The following ZNF480 variants were observed in gnomAD, a reference collection of about 807,000 sequenced individuals.
ZNF480 encodes the protein zinc finger protein 480.
ZNF480 carries 15 observed loss-of-function variants against 14.4 expected under a neutral mutation model. The observed-to-expected ratio is 1.04, with a 90% CI of 0.70 to 1.60. The LOEUF is 1.60. Among genes scored for constraint, ZNF480 ranks in the 40% most tolerant of loss-of-function variants. ZNF480 has a pLI of 0.00. For missense variants in ZNF480, 593 were observed against 629.7 expected, an observed-to-expected ratio of 0.94 and a Z score of 0.62; for synonymous variants, 218 against 215.5, an observed-to-expected ratio of 1.01 and a Z score of -0.10.
rs1845267656 is a variant in ZNF480, at chr19:52,324,866, G to A, written c.*2008G>A. On this transcript the variant is annotated 3_prime_UTR_variant, in exon 5 of 5. Coordinates refer to ENST00000595962, the MANE Select transcript of ZNF480 (RefSeq NM_144684.4). ...CCAGGAAATGCCATTCTGGACATAA[G>A]TGCTGGAAAAGACTTAATGATGAAC... is the stretch of plus-strand genomic sequence containing the variant. 1 of 152,148 alleles carries A rather than the reference G, an allele frequency of 6.6e-6. No individual in the cohort carries two copies. Among genetic ancestry groups the A allele is most frequent in the African/African-American group, 2.4e-5 (1 of 41,438 alleles). The allele number at this position is 152,148 out of a possible 1,614,324, so 9.4% of individuals were successfully genotyped here. A position where few individuals can be genotyped will look rare whatever the true frequency, so the allele number is the denominator to read the frequency against.
intron 2 of ZNF480, chr19:52,301,761 C>A (rs190764068): frequency 6.6e-6 from 1 of 152,072 alleles, no homozygotes; most frequent in African/African-American, 2.4e-5. Context: ...CAATGAAACA[C>A]CGAGAGTACC....
chr19:52,297,407 GGTCCTGTCCCCC>G (rs1982453681), intron 1 of ZNF480, among the ~76,000 whole-genome samples, 184 bp downstream of exon 1: 1 of 151,654 alleles, frequency 6.6e-6, no homozygotes, highest in Non-Finnish European at 1.5e-5. Context: ...CTCGGCGGCG[GGTCCTGTCCCCC>G]GTCCTTCTGC....
chr19:52,304,261 A>G (rs193002820), intron 2 of ZNF480, among the ~76,000 whole-genome samples: 1 of 152,332 alleles, frequency 6.6e-6, no homozygotes, highest in East Asian at 1.9e-4. Context: ...CAGTCTTTTA[A>G]ATCTATGACT....
chr19:52,309,818 G>T (rs2122533790), intron 2 of ZNF480, among the ~76,000 whole-genome samples: 1 of 152,238 alleles, frequency 6.6e-6, no homozygotes, highest in East Asian at 1.9e-4. Context: ...TGTCCACATG[G>T]ATTCAAAATG....
rs1983904022 is a variant in ZNF480, at chr19:52,322,740, A to C, written c.1490A>C (p.His497Pro). The C allele has an allele frequency of 3.1e-6, 5 of 1,613,178 alleles. No homozygotes were observed. The highest frequency in any genetic ancestry group is 4.2e-6 in the Non-Finnish European group (5 of 1,179,608). ...ECGKVFNRIA[H>P]LARHRKIHTG... Reference sequence around the variant, plus strand: ...GGCAAGGTCTTCAATCGAATTGCACACCTTGCACGACATCGGAAAATTCAT... The same window carrying C: ...GGCAAGGTCTTCAATCGAATTGCACCCCTTGCACGACATCGGAAAATTCAT... Residue 497 changes from histidine (H) to proline (P), a missense_variant, in exon 5 of 5, where the codon CAC becomes CCC. His to Pro is a moderately conservative substitution (Grantham distance 77). Coordinates refer to ENST00000595962, the MANE Select transcript of ZNF480 (RefSeq NM_144684.4).
intron 2 of ZNF480, chr19:52,301,965 G>C (rs1401809435): frequency 6.1e-6 from 1 of 164,162 alleles, no homozygotes; most frequent in African/African-American, 2.4e-5. Context: ...GGGAGATCAA[G>C]TTTTAAATCA....
chr19:52,304,564 T>C lies in ZNF480; in HGVS notation c.72+4080T>C, dbSNP rs180714092. ...TTAACCATTTTAAAGGTATAGGTTC[T>C]GGAGGCTTAACAATGGCTGCCATGA... is the stretch of plus-strand genomic sequence containing the variant. On this transcript the variant is annotated intron_variant, in intron 2 of 4. Transcript: ENST00000595962. 1.1e-4 allele frequency among the ~76,000 whole-genome samples: 17 copies of C among 152,276 alleles called. No homozygotes were observed. In the East Asian group the frequency reaches 3.3e-3, roughly 29 times the overall value.
At chr19:52,311,954 T>C (rs150021097) in intron 2 of ZNF480, among the ~76,000 whole-genome samples, 187 of 152,308 alleles carry the variant, frequency 1.2e-3, no homozygotes, top group African/African-American at 4.3e-3. Context: ...TGGACCGTGA[T>C]GCGTGTTCAT....
At position 52,322,153 on chromosome 19, in the gene ZNF480, C is replaced by T. The variant is rs1983858675; in HGVS notation, c.903C>T (p.Tyr301=). The part of the protein sequence containing the change: ...ECGKVFSNNS[Y]LARHQRIHAE... ...GTAAAGTCTTCAGTAATAATTCTTA[C>T]CTTGCACGACATCAAAGAATTCATG... The change falls in exon 5 of 5, where the codon TAC becomes TAT. Residue 301 remains tyrosine, a synonymous_variant. Coordinates refer to ENST00000595962, the MANE Select transcript of ZNF480 (RefSeq NM_144684.4). 1 of 1,613,910 alleles carries T rather than the reference C, an allele frequency of 6.2e-7. No homozygotes were observed. Among genetic ancestry groups the T allele is most frequent in the Non-Finnish European group, 8.5e-7 (1 of 1,179,984 alleles).
intron 2 of ZNF480, among the ~76,000 whole-genome samples, chr19:52,302,735 T>C (rs763062933): frequency 2.6e-5 from 4 of 152,224 alleles, no homozygotes; most frequent in Non-Finnish European, 5.9e-5. Flanking sequence ...TAACTCCTCC[T>C]GTAAAAGATG....
Position 52,324,880 on chromosome 19 carries a change from T to A in ZNF480, c.*2022T>A, listed in dbSNP as rs950912803. 1.3e-5 allele frequency: 2 copies of A among 152,200 alleles called. No homozygotes were observed. The highest frequency in any genetic ancestry group is 4.8e-5 in the African/African-American group (2 of 41,456). 9.4% of individuals were successfully genotyped at this position (152,200 alleles called of 1,614,324 possible). A position where few individuals can be genotyped will look rare whatever the true frequency, so the allele number is the denominator to read the frequency against. ...TCTGGACATAAGTGCTGGAAAAGAC[T>A]TAATGATGAACACCCCAAAGCAATT... On this transcript the variant is annotated 3_prime_UTR_variant, in exon 5 of 5. Transcript: ENST00000595962.
At chr19:52,304,619 T>C (rs1982842538) in intron 2 of ZNF480, among the ~76,000 whole-genome samples, 2 of 152,022 alleles carry the variant, frequency 1.3e-5, no homozygotes, top group Admixed American at 1.3e-4. Flanking sequence ...TGGTGGGAAT[T>C]TTGTCCTTCT....
intron 2 of ZNF480, chr19:52,313,884 C>A: frequency 2.6e-6 from 1 of 389,714 alleles, no homozygotes. Context: ...GAGGCTGAGG[C>A]ACAAGAATTG....
chr19:52,311,488 T>A (rs1983284661), intron 2 of ZNF480, among the ~76,000 whole-genome samples: 1 of 152,172 alleles, frequency 6.6e-6, no homozygotes, highest in Non-Finnish European at 1.5e-5. Flanking sequence ...ACATTTATAT[T>A]TTTGAATCTG....
At chr19:52,310,404 C>G (rs1983213925) in intron 2 of ZNF480, among the ~76,000 whole-genome samples, 1 of 152,012 alleles carries the variant, frequency 6.6e-6, no homozygotes, top group African/African-American at 2.4e-5. Context: ...CATTCTTTGT[C>G]TTGGTTAAAA....
Position 52,322,084 on chromosome 19 carries a change from A to T in ZNF480, c.834A>T (p.Gln278His), listed in dbSNP as rs1220750124. The T allele has an allele frequency of 3.1e-6, 5 of 1,613,968 alleles. No individual in the cohort carries two copies. The South Asian group carries it at 5.5e-5, about 18-fold the overall frequency. Reference protein sequence around the residue: ...FSYNSNFARHQRIHTREKPYE... With the variant: ...FSYNSNFARHHRIHTREKPYE... ...ACAATTCAAACTTTGCACGACATCA[A>T]AGAATTCATACCAGAGAGAAGCCGT... The change falls in exon 5 of 5, where the codon CAA becomes CAT. Residue 278 changes from glutamine (Q) to histidine (H), a missense_variant. By Grantham distance (24) the Gln-to-His change is conservative. Transcript: ENST00000595962.
rs1983920863 is a variant in ZNF480 at position 52,323,007 on chromosome 19, G to T, written c.*149G>T. 3 of 591,464 alleles carry T rather than the reference G, an allele frequency of 5.1e-6. No individual in the cohort carries two copies. Among genetic ancestry groups the T allele is most frequent in the African/African-American group, 3.7e-5 (2 of 53,434 alleles). 36.6% of individuals were successfully genotyped at this position (591,464 alleles called of 1,614,324 possible). ...CAAGTTTTTCTAATAACTCATTAGAGAATTTATACTGGAGAGACTTCACAA... is the reference window on the plus strand; with the variant it reads ...CAAGTTTTTCTAATAACTCATTAGATAATTTATACTGGAGAGACTTCACAA... On this transcript the variant is annotated 3_prime_UTR_variant, in exon 5 of 5. Transcript: ENST00000595962.
intron 4 of ZNF480, among the ~76,000 whole-genome samples, chr19:52,316,646 C>T (rs1983572142): frequency 6.6e-6 from 1 of 152,100 alleles, no homozygotes; most frequent in African/African-American, 2.4e-5. Flanking sequence ...AGCCATGATG[C>T]CTAGTCTTAT....
At chr19:52,319,379 A>C (rs1417753766) in intron 4 of ZNF480, among the ~76,000 whole-genome samples, 2 of 152,170 alleles carry the variant, frequency 1.3e-5, no homozygotes, top group East Asian at 3.9e-4. Flanking sequence ...TTCTTGGTTG[A>C]TTTTAAGCAC....
Sources: gnomAD v4.1 joint callset for allele counts (sites outside exome capture counted in the v4.1 genomes callset) on GRCh38, gnomAD v4.1.1 for gene constraint, MANE v1.5 for transcripts, NCBI Gene and HGNC (gene_info 2026-07-23, HGNC 2026-07-21) for gene names.